The following MECOM variants were observed in gnomAD, a reference collection of about 807,000 sequenced individuals.
MECOM encodes the protein histone-lysine N-methyltransferase MECOM.
MECOM carries 13 observed loss-of-function variants against 116.3 expected under a neutral mutation model. That is an observed-to-expected ratio of 0.11 (90% confidence interval 0.07 to 0.18). MECOM has a LOEUF of 0.18. Among genes scored for constraint, MECOM ranks in the 10% least tolerant of loss-of-function variants. The probability of loss-of-function intolerance (pLI) is 1.00; values close to 1 mark genes in which losing one functional copy is unlikely to be tolerated. For missense variants in MECOM, 1,299 were observed against 1,509.0 expected, an observed-to-expected ratio of 0.86 and a Z score of 2.31; for synonymous variants, 528 against 535.2, an observed-to-expected ratio of 0.99 and a Z score of 0.19.
chr3:169,599,307 A>T (rs998275598), intron 1 of MECOM, among the ~76,000 whole-genome samples: 1 of 152,122 alleles, frequency 6.6e-6, no homozygotes, highest in Non-Finnish European at 1.5e-5. Flanking sequence ...CGAGGTCAAG[A>T]GATCAAAACC....
At chr3:169,635,120 C>T (rs901523039) in intron 1 of MECOM, among the ~76,000 whole-genome samples, 2 of 152,198 alleles carry the variant, frequency 1.3e-5, no homozygotes, top group Non-Finnish European at 2.9e-5. Context: ...GGTCAGAGCA[C>T]AGCATCAAGC....
Position 169,147,490 on chromosome 3 carries a change from C to T in MECOM, c.376-3658G>A, listed in dbSNP as rs530224803. Reference sequence around the variant, plus strand: ...GTGATCTGATCGGAAGCCAGACGGGCTCCTCTTTTAAATTTTTAAAGTGAC... The same window carrying T: ...GTGATCTGATCGGAAGCCAGACGGGTTCCTCTTTTAAATTTTTAAAGTGAC... On this transcript the variant is annotated intron_variant, in intron 2 of 16. Coordinates refer to ENST00000651503, the MANE Select transcript of MECOM (RefSeq NM_004991.4). 9.1e-6 allele frequency: 9 copies of T among 985,426 alleles called. No homozygotes were observed. In the South Asian group the frequency reaches 3.3e-4, roughly 36 times the overall value. The allele number at this position is 985,426 out of a possible 1,614,324, so 61.0% of individuals were successfully genotyped here. A position where few individuals can be genotyped will look rare whatever the true frequency, so the allele number is the denominator to read the frequency against.
chr3:169,208,276 C>T (rs1750222102), intron 2 of MECOM, among the ~76,000 whole-genome samples: 1 of 147,500 alleles, frequency 6.8e-6, no homozygotes, highest in Admixed American at 6.8e-5. Context: ...TATATATACA[C>T]AATGTTATAT....
At chr3:169,273,156 T>C (rs1345534908) in intron 2 of MECOM, among the ~76,000 whole-genome samples, 1 of 152,196 alleles carries the variant, frequency 6.6e-6, no homozygotes, top group East Asian at 1.9e-4. Context: ...TGCCGTTTTA[T>C]GTGGGCACTT....
chr3:169,415,825 C>A (rs1305888899), intron 1 of MECOM, among the ~76,000 whole-genome samples: 1 of 152,090 alleles, frequency 6.6e-6, no homozygotes, highest in Non-Finnish European at 1.5e-5. Flanking sequence ...GAAGAGCTAA[C>A]TATCCTAAAT....
intron 2 of MECOM, among the ~76,000 whole-genome samples, chr3:169,222,220 A>G (rs1401755459): frequency 6.6e-6 from 1 of 152,224 alleles, no homozygotes; most frequent in Non-Finnish European, 1.5e-5. Context: ...CTGAGGTCCA[A>G]CATAATCTGA....
At chr3:169,571,329 A>C (rs1431542230) in intron 1 of MECOM, among the ~76,000 whole-genome samples, 5 of 141,734 alleles carry the variant, frequency 3.5e-5, no homozygotes, top group Admixed American at 2.2e-4. Flanking sequence ...CCATTGCTCA[A>C]GGAAATAAGA....
At chr3:169,387,948 A>T (rs182610330) in intron 1 of MECOM, among the ~76,000 whole-genome samples, 1 of 152,130 alleles carries the variant, frequency 6.6e-6, no homozygotes, top group Non-Finnish European at 1.5e-5. Flanking sequence ...TAATAAAAAC[A>T]TGAGCAAACT....
chr3:169,498,667 A>C (rs75256761), intron 1 of MECOM, among the ~76,000 whole-genome samples: 7,497 of 152,272 alleles, frequency 0.049, 413 homozygotes, highest in East Asian at 0.31. Context: ...GGGAAGAATG[A>C]ATTCAAGAAA....
chr3:169,136,196 C>T (rs1216459626), intron 3 of MECOM, among the ~76,000 whole-genome samples: 2 of 151,546 alleles, frequency 1.3e-5, no homozygotes, highest in East Asian at 3.9e-4. Context: ...ATTTAGACTT[C>T]CAAACTGTAC....
At chr3:169,505,229 A>G (rs1755048191) in intron 1 of MECOM, among the ~76,000 whole-genome samples, 1 of 142,532 alleles carries the variant, frequency 7.0e-6, no homozygotes, top group Admixed American at 7.0e-5. Context: ...TATCCAAAGT[A>G]TATCATACCC....
intron 2 of MECOM, among the ~76,000 whole-genome samples, chr3:169,258,978 A>G (rs916529760): frequency 6.6e-6 from 1 of 151,824 alleles, no homozygotes; most frequent in African/African-American, 2.4e-5. Context: ...CATGCTGAAC[A>G]CTGACAATAC....
chr3:169,420,502 C>T (rs894786266), intron 1 of MECOM, among the ~76,000 whole-genome samples: 5 of 152,088 alleles, frequency 3.3e-5, no homozygotes, highest in African/African-American at 1.2e-4. Context: ...AGAAATGTAG[C>T]AGTGGTTTCT....
intron 7 of MECOM, among the ~76,000 whole-genome samples, chr3:169,117,126 C>T (rs1266907255): frequency 6.6e-6 from 1 of 152,062 alleles, no homozygotes; most frequent in Non-Finnish European, 1.5e-5. Flanking sequence ...ACGTACAAAA[C>T]ACAACAAGAA....
intron 1 of MECOM, among the ~76,000 whole-genome samples, chr3:169,616,594 C>A (rs1290223418): frequency 1.3e-5 from 2 of 152,170 alleles, no homozygotes; most frequent in Non-Finnish European, 2.9e-5. Context: ...CCAGCCTCAG[C>A]CTCTCAAAGT....
At chr3:169,588,268 C>T (rs1398580924) in intron 1 of MECOM, among the ~76,000 whole-genome samples, 1 of 152,110 alleles carries the variant, frequency 6.6e-6, no homozygotes, top group Non-Finnish European at 1.5e-5. Flanking sequence ...TGATGACTTC[C>T]CCAAGGCTGC....
At chr3:169,636,101 A>G (rs1772716125) in intron 1 of MECOM, among the ~76,000 whole-genome samples, 1 of 152,202 alleles carries the variant, frequency 6.6e-6, no homozygotes. Context: ...TGCATCATAG[A>G]TACCAATGTG....
intron 3 of MECOM, among the ~76,000 whole-genome samples, chr3:169,141,152 T>C (rs1203735083): frequency 6.6e-6 from 1 of 152,092 alleles, no homozygotes; most frequent in East Asian, 1.9e-4. Flanking sequence ...TATTTCTTTG[T>C]TAGATGACCT....
chr3:169,189,089 T>TA (rs2149416357), intron 2 of MECOM, among the ~76,000 whole-genome samples: 1 of 152,248 alleles, frequency 6.6e-6, no homozygotes, highest in African/African-American at 2.4e-5. Context: ...CGCATGATCC[T>TA]AGAACAACAT....
Sources: gnomAD v4.1 joint callset for allele counts (sites outside exome capture counted in the v4.1 genomes callset) on GRCh38, gnomAD v4.1.1 for gene constraint, MANE v1.5 for transcripts, NCBI Gene and HGNC (gene_info 2026-07-23, HGNC 2026-07-21) for gene names.